The following PTPRJ variants were observed in gnomAD, a reference collection of about 807,000 sequenced individuals.
PTPRJ encodes the protein protein tyrosine phosphatase receptor type J, also known as receptor-type tyrosine-protein phosphatase eta.
Under a neutral mutation model 141.3 loss-of-function variants are expected in PTPRJ, and 129 were observed. The observed-to-expected ratio is 0.91, with a 90% CI of 0.79 to 1.06. PTPRJ has a LOEUF of 1.06. Among genes scored for constraint, PTPRJ ranks in the 50% least tolerant of loss-of-function variants. The pLI is 0.00. For missense variants in PTPRJ, 1,601 were observed against 1,679.7 expected, an observed-to-expected ratio of 0.95 and a Z score of 0.82; for synonymous variants, 610 against 640.5, an observed-to-expected ratio of 0.95 and a Z score of 0.72.
intron 1 of PTPRJ, among the ~76,000 whole-genome samples, chr11:48,029,112 C>G (rs1853908588): frequency 6.6e-6 from 1 of 152,162 alleles, no homozygotes; most frequent in Non-Finnish European, 1.5e-5. Flanking sequence ...CTGAGGGCTG[C>G]AGATGCTGCC....
intron 1 of PTPRJ, among the ~76,000 whole-genome samples, chr11:48,108,019 G>A (rs1856340302): frequency 6.6e-6 from 1 of 152,240 alleles, no homozygotes; most frequent in African/African-American, 2.4e-5. Context: ...GTGGGATCAA[G>A]GATGCAGTGA....
intron 1 of PTPRJ, among the ~76,000 whole-genome samples, chr11:48,102,843 G>A (rs1337043570): frequency 6.6e-6 from 1 of 152,124 alleles, no homozygotes; most frequent in African/African-American, 2.4e-5. Flanking sequence ...CATACAAGGT[G>A]GAGGAAGGGT....
chr11:48,097,205 G>A (rs11600061), intron 1 of PTPRJ, among the ~76,000 whole-genome samples: 22,372 of 152,100 alleles, frequency 0.15, 1,731 homozygotes, highest in East Asian at 0.27. Flanking sequence ...GTTTATGCTC[G>A]TCCTCATAGA....
chr11:48,163,479 C>T lies in PTPRJ; in HGVS notation c.3580C>T (p.Pro1194Ser). Residue 1194 changes from proline (P) to serine (S), a missense_variant, in exon 23 of 25, where the codon CCT (proline) becomes TCT (serine). Physicochemically the swap from Pro to Ser is moderately conservative, Grantham distance 74 (BLOSUM62 -1). Coordinates refer to ENST00000418331, the MANE Select transcript of PTPRJ (RefSeq NM_002843.4). Reference sequence around the variant, plus strand: ...TTAGATCCAGACAAGTGAGAGTCACCCTCTGAGACAGTTCCATTTCACCTC... The same window carrying T: ...TTAGATCCAGACAAGTGAGAGTCACTCTCTGAGACAGTTCCATTTCACCTC... ...VKNIQTSESH[P>S]LRQFHFTSWP... 1 of 1,613,940 alleles carries T rather than the reference C, an allele frequency of 6.2e-7. No individual in the cohort carries two copies. Among genetic ancestry groups the T allele is most frequent in the Non-Finnish European group, 8.5e-7 (1 of 1,179,946 alleles).
At chr11:48,078,436 G>T (rs1390961762) in intron 1 of PTPRJ, among the ~76,000 whole-genome samples, 5 of 152,158 alleles carry the variant, frequency 3.3e-5, no homozygotes, top group Non-Finnish European at 7.3e-5. Context: ...GGGTGGAAAG[G>T]TGTCCTGGAG....
intron 1 of PTPRJ, among the ~76,000 whole-genome samples, chr11:48,063,658 T>TA (rs1488761931): frequency 6.6e-6 from 1 of 152,222 alleles, no homozygotes. Flanking sequence ...CTCTGACTGA[T>TA]ACACTTGGCT....
intron 1 of PTPRJ, among the ~76,000 whole-genome samples, chr11:48,001,349 A>AGTGTGTGTGTGTGTGTGT (rs57503257): frequency 2.7e-4 from 36 of 134,782 alleles, no homozygotes; most frequent in African/African-American, 8.2e-4. Flanking sequence ...ACAGCCCCAA[A>AGTGTGTGTGTGTGTGTGT]GTGTGTGTGT....
At chr11:48,119,334 G>A (rs565604806) in intron 3 of PTPRJ, among the ~76,000 whole-genome samples, 1 of 152,304 alleles carries the variant, frequency 6.6e-6, no homozygotes, top group Admixed American at 6.5e-5. Context: ...TTATTGAATT[G>A]TGGGGCACAA....
chr11:48,036,310 G>A lies in PTPRJ; in HGVS notation c.96+55302G>A, dbSNP rs150584996. ...TCCCAGAGCTGAGGCAGGCCCTCTC[G>A]GGTTGCATGCCATTGACTTCTCAGC... On this transcript the variant is annotated intron_variant, in intron 1 of 24. Coordinates refer to ENST00000418331, the MANE Select transcript of PTPRJ (RefSeq NM_002843.4). Among the ~76,000 whole-genome samples, 16 of 152,260 alleles carry A rather than the reference G, an allele frequency of 1.1e-4. No homozygotes were observed. In the East Asian group the frequency reaches 2.3e-3, roughly 22 times the overall value.
At chr11:47,984,171 T>G (rs1853986986) in intron 1 of PTPRJ, among the ~76,000 whole-genome samples, 1 of 152,196 alleles carries the variant, frequency 6.6e-6, no homozygotes, top group South Asian at 2.1e-4. Context: ...AAGATAACCA[T>G]GGAATACCCA....
At chr11:48,008,271 T>C (rs1854677518) in intron 1 of PTPRJ, among the ~76,000 whole-genome samples, 1 of 152,220 alleles carries the variant, frequency 6.6e-6, no homozygotes. Flanking sequence ...TTTATTTATT[T>C]ATTTTTTGAG....
chr11:48,000,616 C>T (rs1468372919), intron 1 of PTPRJ, among the ~76,000 whole-genome samples: 1 of 152,106 alleles, frequency 6.6e-6, no homozygotes, highest in Non-Finnish European at 1.5e-5. Flanking sequence ...TGGCTACCCA[C>T]TCCCTGTTCA....
intron 1 of PTPRJ, among the ~76,000 whole-genome samples, chr11:47,998,624 G>A (rs747011308): frequency 3.9e-5 from 6 of 152,208 alleles, no homozygotes; most frequent in Non-Finnish European, 8.8e-5. Context: ...TACCTTAGAG[G>A]ATTGTGATCA....
rs183681481 is a variant in PTPRJ at position 48,022,446 on chromosome 11, A to T, written c.96+41438A>T. Reference sequence around the variant, plus strand: ...GCCATTGCATTCCAGCCTGAGTAACACGAGCAAAACTCCATCTCAAGAAAA... The same window carrying T: ...GCCATTGCATTCCAGCCTGAGTAACTCGAGCAAAACTCCATCTCAAGAAAA... On this transcript the variant is annotated intron_variant, in intron 1 of 24. Coordinates refer to ENST00000418331, the MANE Select transcript of PTPRJ (RefSeq NM_002843.4). 3.3e-5 allele frequency among the ~76,000 whole-genome samples: 5 copies of T among 151,988 alleles called. No homozygotes were observed. In the East Asian group the frequency reaches 9.7e-4, roughly 29 times the overall value.
chr11:48,045,072 T>C (rs1050009353), intron 1 of PTPRJ, among the ~76,000 whole-genome samples: 1 of 152,178 alleles, frequency 6.6e-6, no homozygotes, highest in Non-Finnish European at 1.5e-5. Flanking sequence ...GTTCCTCTTT[T>C]CCCCCGTAAT....
At chr11:48,096,216 G>A (rs1027263940) in intron 1 of PTPRJ, among the ~76,000 whole-genome samples, 17 of 152,326 alleles carry the variant, frequency 1.1e-4, no homozygotes, top group Non-Finnish European at 1.6e-4. Context: ...GACCCACCGT[G>A]TGCTGTGTGG....
intron 24 of PTPRJ, 53 bp downstream of exon 24, chr11:48,164,568 T>A: frequency 6.7e-7 from 1 of 1,499,418 alleles, no homozygotes; most frequent in Non-Finnish European, 8.8e-7. Flanking sequence ...ATTTTTTTTT[T>A]TTTTTTTTTT....
chr11:48,153,780 T>G lies in PTPRJ; in HGVS notation c.3139-16T>G. 6.4e-7 allele frequency: 1 copy of G among 1,553,670 alleles called. No individual in the cohort carries two copies. The highest frequency in any genetic ancestry group is 8.9e-7 in the Non-Finnish European group (1 of 1,125,124). On this transcript the variant is annotated splice_polypyrimidine_tract_variant and intron_variant, in intron 18 of 24. Transcript: ENST00000418331. ...GAAGACTAAATAAATGAACACCTCA[T>G]TTGTTTTGTTTTCAGGATCTGAAGC... is the stretch of plus-strand genomic sequence containing the variant.
rs1315609111 is a variant in PTPRJ at position 47,980,690 on chromosome 11, C to A, written c.-223C>A. On this transcript the variant is annotated 5_prime_UTR_variant, in exon 1 of 25. Transcript: ENST00000418331. ...CCCCTGCGCGCTCAGGGACGCGGCCCCCCCGCGGCAGCCGCGCTAGGCTCC... is the reference window on the plus strand; with the variant it reads ...CCCCTGCGCGCTCAGGGACGCGGCCACCCCGCGGCAGCCGCGCTAGGCTCC... The A allele has an allele frequency of 2.0e-6, 2 of 990,812 alleles. No individual in the cohort carries two copies. The highest frequency in any genetic ancestry group is 2.4e-6 in the Non-Finnish European group (2 of 834,980). The allele number at this position is 990,812 out of a possible 1,614,324, so 61.4% of individuals were successfully genotyped here.
Sources: gnomAD v4.1 joint callset for allele counts (sites outside exome capture counted in the v4.1 genomes callset) on GRCh38, gnomAD v4.1.1 for gene constraint, MANE v1.5 for transcripts, NCBI Gene and HGNC (gene_info 2026-07-23, HGNC 2026-07-21) for gene names.